The following TMPRSS11E variants were observed in gnomAD, a reference collection of about 807,000 sequenced individuals.
TMPRSS11E encodes transmembrane serine protease 11E, also known as transmembrane protease serine 11E.
TMPRSS11E carries 38 observed loss-of-function variants against 48.1 expected under a neutral mutation model. The ratio of observed to expected loss-of-function variants is 0.79; its 90% CI spans 0.61 to 1.04. The LOEUF is 1.04. Ranked by LOEUF, TMPRSS11E falls within the 50% of genes least tolerant of loss-of-function variation. The probability of loss-of-function intolerance (pLI) is 0.00; values close to 1 mark genes in which losing one functional copy is unlikely to be tolerated. For synonymous variants in TMPRSS11E, 158 were observed against 171.9 expected, an observed-to-expected ratio of 0.92 and a Z score of 0.63; for missense variants, 530 against 510.8, an observed-to-expected ratio of 1.04 and a Z score of -0.36.
intron 9 of TMPRSS11E, among the ~76,000 whole-genome samples, chr4:68,479,765 A>G (rs1423329793): frequency 3.9e-5 from 6 of 152,008 alleles, no homozygotes; most frequent in Non-Finnish European, 7.4e-5. Flanking sequence ...AAGACTATTT[A>G]CCTATGGATT....
At chr4:68,451,846 G>C (rs1728506702) in intron 1 of TMPRSS11E, among the ~76,000 whole-genome samples, 1 of 151,870 alleles carries the variant, frequency 6.6e-6, no homozygotes, top group South Asian at 2.1e-4. Flanking sequence ...AGAACTGATG[G>C]TTAACCAGGG....
At chr4:68,455,310 C>T (rs1728599557) in intron 1 of TMPRSS11E, among the ~76,000 whole-genome samples, 1 of 151,846 alleles carries the variant, frequency 6.6e-6, no homozygotes, top group African/African-American at 2.4e-5. Flanking sequence ...GGAACATTAG[C>T]TTGGATGAAA....
Position 68,495,887 on chromosome 4 carries a change from G to T in TMPRSS11E, c.1111-756G>T, listed in dbSNP as rs191854621. Among the ~76,000 whole-genome samples the T allele has an allele frequency of 3.9e-4, 59 of 152,236 alleles. 2 individuals are homozygous for T. The highest frequency in any genetic ancestry group is 3.7e-3 in the Admixed American group (57 of 15,270). ...ATTTTAATCAATTAAGAACTTCATA[G>T]AGTGAGTATGAATACTTAATGGGTG... On this transcript the variant is annotated intron_variant, in intron 9 of 9. Transcript: ENST00000305363.
At chr4:68,487,311 G>GGC (rs1205846505) in intron 9 of TMPRSS11E, among the ~76,000 whole-genome samples, 32 of 151,896 alleles carry the variant, frequency 2.1e-4, no homozygotes, top group Non-Finnish European at 3.1e-4. Flanking sequence ...GGAGTGCAAA[G>GGC]GTGCAATCTG....
chr4:68,466,746 A>G lies in TMPRSS11E; in HGVS notation c.252A>G (p.Glu84=). ...NNFTEMSQRL[E]SMVKNAFYKS... Reference sequence around the variant, plus strand: ...TTACAGAAATGAGCCAGAGACTTGAATCAATGGTAAGCAACTTGTCATCTA... The same window carrying G: ...TTACAGAAATGAGCCAGAGACTTGAGTCAATGGTAAGCAACTTGTCATCTA... The change falls in exon 3 of 10, where the codon GAA becomes GAG. Residue 84 remains glutamate, a synonymous_variant. Transcript: ENST00000305363. 6.2e-7 allele frequency: 1 copy of G among 1,613,572 alleles called. No homozygotes were observed. Among genetic ancestry groups the G allele is most frequent in the South Asian group, 1.1e-5 (1 of 91,044 alleles).
At chr4:68,461,247 C>A (rs1005034467) in intron 1 of TMPRSS11E, among the ~76,000 whole-genome samples, 1 of 152,078 alleles carries the variant, frequency 6.6e-6, no homozygotes, top group African/African-American at 2.4e-5. Context: ...TAGGAAGGGG[C>A]CTCTGGTTGT....
intron 9 of TMPRSS11E, among the ~76,000 whole-genome samples, chr4:68,491,696 T>C (rs532933349): frequency 6.6e-6 from 1 of 152,346 alleles, no homozygotes; most frequent in African/African-American, 2.4e-5. Flanking sequence ...ATAATTTTCA[T>C]TTTGTGATTT....
intron 9 of TMPRSS11E, among the ~76,000 whole-genome samples, chr4:68,489,529 A>T (rs963636476): frequency 2.0e-5 from 3 of 152,158 alleles, no homozygotes; most frequent in South Asian, 2.1e-4. Flanking sequence ...GCATGCATAC[A>T]CCAGTGAGTC....
intron 1 of TMPRSS11E, among the ~76,000 whole-genome samples, chr4:68,455,133 GT>G (rs1728594245): frequency 1.3e-5 from 2 of 151,954 alleles, no homozygotes; most frequent in Admixed American, 1.3e-4. Context: ...TATTTAGATT[GT>G]TTCAAATAAC....
In TMPRSS11E at chr4:68,471,453, C is replaced by T. The variant is rs1194232329; in HGVS notation, c.327-7C>T. 1 of 1,182,394 alleles carries T rather than the reference C, an allele frequency of 8.5e-7. No individual in the cohort carries two copies. The highest frequency in any genetic ancestry group is 1.1e-6 in the Non-Finnish European group (1 of 931,482). The allele number at this position is 1,182,394 out of a possible 1,614,324, so 73.2% of individuals were successfully genotyped here. ...TTTCTTTCATTTTCTTCTTTTTTGGCCCACAGTCAACAGAAGCATGGAGTG... is the reference window on the plus strand; with the variant it reads ...TTTCTTTCATTTTCTTCTTTTTTGGTCCACAGTCAACAGAAGCATGGAGTG... On this transcript the variant is annotated splice_polypyrimidine_tract_variant and splice_region_variant and intron_variant, in intron 4 of 9. Coordinates refer to ENST00000305363, the MANE Select transcript of TMPRSS11E (RefSeq NM_014058.4).
At chr4:68,459,982 A>G (rs924877650) in intron 1 of TMPRSS11E, among the ~76,000 whole-genome samples, 3 of 152,186 alleles carry the variant, frequency 2.0e-5, no homozygotes, top group Non-Finnish European at 4.4e-5. Context: ...AAGACTTTTT[A>G]TATTGCAGTA....
chr4:68,483,225 A>G (rs1167487240), intron 9 of TMPRSS11E, among the ~76,000 whole-genome samples: 1 of 149,590 alleles, frequency 6.7e-6, no homozygotes, highest in East Asian at 2.0e-4. Flanking sequence ...GGGAGCAGGA[A>G]CATCATGTGG....
chr4:68,477,860 G>A (rs1729275648), intron 8 of TMPRSS11E, among the ~76,000 whole-genome samples: 1 of 152,092 alleles, frequency 6.6e-6, no homozygotes, highest in African/African-American at 2.4e-5. Context: ...CTGCTAAGAT[G>A]TCTGAAAAAG....
chr4:68,476,521 G>A, intron 7 of TMPRSS11E, 83 bp downstream of exon 7: 1 of 1,388,074 alleles, frequency 7.2e-7, no homozygotes, highest in Non-Finnish European at 9.8e-7. Context: ...AATTTTGGGA[G>A]ATATGAGTTT....
At chr4:68,462,996 C>T (rs1728834538) in intron 2 of TMPRSS11E, among the ~76,000 whole-genome samples, 1 of 152,124 alleles carries the variant, frequency 6.6e-6, no homozygotes, top group Non-Finnish European at 1.5e-5. Flanking sequence ...AGTTTAATAT[C>T]TTCCTCTGTT....
intron 5 of TMPRSS11E, among the ~76,000 whole-genome samples, 191 bp downstream of exon 5, chr4:68,471,814 C>G (rs1460566896): frequency 6.6e-6 from 1 of 151,852 alleles, no homozygotes; most frequent in Non-Finnish European, 1.5e-5. Flanking sequence ...TTAGGCCTCC[C>G]ATGCAAGCTT....
At position 68,486,551 on chromosome 4, in the gene TMPRSS11E, G is replaced by A. The variant is rs147881102; in HGVS notation, c.1110+7560G>A. 4.3e-3 allele frequency among the ~76,000 whole-genome samples: 650 copies of A among 152,292 alleles called. 5 individuals carry two copies. The highest frequency in any genetic ancestry group is 0.015 in the African/African-American group (625 of 41,562). Reference sequence around the variant, plus strand: ...TTGTTTAGAATTGCTTTATGGCCAAGTGCATGGTTGATCTTAGAGTATGTG... The same window carrying A: ...TTGTTTAGAATTGCTTTATGGCCAAATGCATGGTTGATCTTAGAGTATGTG... On this transcript the variant is annotated intron_variant, in intron 9 of 9. Coordinates refer to ENST00000305363, the MANE Select transcript of TMPRSS11E (RefSeq NM_014058.4).
Position 68,497,074 on chromosome 4 carries a change from G to T in TMPRSS11E, c.*270G>T. ...ATAATACAATATTACATTACAGCCT[G>T]TATTCATTTGTTCTCTAGAAGTTTT... On this transcript the variant is annotated 3_prime_UTR_variant, in exon 10 of 10. Transcript: ENST00000305363. 3.6e-6 allele frequency: 1 copy of T among 279,606 alleles called. No individual in the cohort carries two copies. The highest frequency in any genetic ancestry group is 6.6e-6 in the Non-Finnish European group (1 of 151,252). The allele number at this position is 279,606 out of a possible 1,614,324, so 17.3% of individuals were successfully genotyped here. A position where few individuals can be genotyped will look rare whatever the true frequency, so the allele number is the denominator to read the frequency against.
chr4:68,452,179 G>A (rs1560545242), intron 1 of TMPRSS11E, among the ~76,000 whole-genome samples: 1 of 151,822 alleles, frequency 6.6e-6, no homozygotes, highest in Non-Finnish European at 1.5e-5. Context: ...CACTTCACCT[G>A]TATACTGATG....
Sources: allele counts gnomAD v4.1 joint callset (sites outside exome capture counted in the v4.1 genomes callset), GRCh38; gene constraint gnomAD v4.1.1; transcripts MANE v1.5; gene names NCBI Gene and HGNC (gene_info 2026-07-23, HGNC 2026-07-21).